PHACTR2: variants seen among roughly 807,000 people sequenced by gnomAD.
The protein encoded by PHACTR2 is chromosome 6 open reading frame 56.
A neutral mutation model predicts 76.0 loss-of-function variants in PHACTR2; 30 were observed. The ratio of observed to expected loss-of-function variants is 0.39; its 90% CI spans 0.30 to 0.54. PHACTR2 has a LOEUF of 0.54. Among genes scored for constraint, PHACTR2 ranks in the 20% least tolerant of loss-of-function variants. The pLI, the probability that PHACTR2 is intolerant of heterozygous loss-of-function variation, is 0.61. For missense variants in PHACTR2, 696 were observed against 781.1 expected, an observed-to-expected ratio of 0.89 and a Z score of 1.30; for synonymous variants, 292 against 292.5, an observed-to-expected ratio of 1.00 and a Z score of 0.02.
intron 1 of PHACTR2, among the ~76,000 whole-genome samples, chr6:143,630,195 C>A (rs543466716): frequency 2.0e-5 from 3 of 148,190 alleles, no homozygotes; most frequent in South Asian, 2.2e-4. Context: ...GAATGAAGAT[C>A]AAAAAATTAA....
rs1293249617 is a variant in PHACTR2, at chr6:143,750,923, C to T, written c.295+1858C>T. On this transcript the variant is annotated intron_variant, in intron 3 of 12. Transcript: ENST00000440869. The surrounding 1 kb of genome is among the most constrained non-coding windows in gnomAD (Gnocchi z 4.6). ...CTTTTCCATGGTCCCTATCTAGAAC[C>T]GTAGAAATTATCTAATGGTTGAAGG... Among the ~76,000 whole-genome samples, 2 of 152,080 alleles carry T rather than the reference C, an allele frequency of 1.3e-5. No individual in the cohort carries two copies. Among genetic ancestry groups the T allele is most frequent in the South Asian group, 2.1e-4 (1 of 4,824 alleles).
intron 1 of PHACTR2, among the ~76,000 whole-genome samples, chr6:143,666,830 C>G (rs1385121584): frequency 6.6e-6 from 1 of 152,184 alleles, no homozygotes; most frequent in East Asian, 1.9e-4. Flanking sequence ...TGTAGGTTGC[C>G]TGTTCACTCT....
At chr6:143,685,279 A>G (rs1241403677) in intron 1 of PHACTR2, among the ~76,000 whole-genome samples, 3 of 152,040 alleles carry the variant, frequency 2.0e-5, no homozygotes, top group Non-Finnish European at 4.4e-5. Flanking sequence ...GCCAAAAAAA[A>G]TTAACATCAG....
chr6:143,574,841 A>AT (rs1197416339), intron 1 of PHACTR2, among the ~76,000 whole-genome samples: 1 of 152,006 alleles, frequency 6.6e-6, no homozygotes, highest in Non-Finnish European at 1.5e-5. Context: ...CTCTCCCCCA[A>AT]TTTTTTAAAA....
intron 1 of PHACTR2, among the ~76,000 whole-genome samples, chr6:143,650,474 A>G (rs529688471): frequency 6.6e-6 from 1 of 152,290 alleles, no homozygotes; most frequent in Non-Finnish European, 1.5e-5. Context: ...GTACTGGTGC[A>G]AGAACAGACA....
rs1775927609 is a variant in PHACTR2 at position 143,800,402 on chromosome 6, CA to C, written c.1846-6654del. Among the ~76,000 whole-genome samples the C allele has an allele frequency of 6.6e-6, 1 of 152,158 alleles. No homozygotes were observed. Among genetic ancestry groups the C allele is most frequent in the Non-Finnish European group, 1.5e-5 (1 of 68,034 alleles). Reference sequence around the variant, plus strand: ...TCAGCCTCCTGAGTAGCTGGGACTACAGGTGCCCGCCACCATGCCCAGTTAA... The same window carrying C: ...TCAGCCTCCTGAGTAGCTGGGACTACGGTGCCCGCCACCATGCCCAGTTAA... On this transcript the variant is annotated intron_variant, in intron 11 of 12. Transcript: ENST00000440869. The surrounding 1 kb of genome is among the most constrained non-coding windows in gnomAD (Gnocchi z 4.8).
Position 143,774,188 on chromosome 6 carries a change from G to A in PHACTR2, c.1562G>A (p.Arg521Gln). The change falls in exon 8 of 13, where the codon CGA becomes CAA. Residue 521 changes from arginine to glutamine, a missense_variant. By Grantham distance (43) the Arg-to-Gln change is conservative. This residue lies in a region of PHACTR2 where 236 missense variants were observed against 330.2 expected (regional missense o/e 0.71). Coordinates refer to ENST00000440869, the MANE Select transcript of PHACTR2 (RefSeq NM_001100164.2). The surrounding 1 kb of genome is among the most constrained non-coding windows in gnomAD (Gnocchi z 5.4). ...TCTGAAGAAGAGAGGCAGGAAATCC[G>A]ACAACAAATTGGAACCAAGTTAGTC... The part of the protein sequence containing the change: ...RTSEEERQEI[R>Q]QQIGTKLVRR... 1 of 1,613,982 alleles carries A rather than the reference G, an allele frequency of 6.2e-7. No homozygotes were observed. The highest frequency in any genetic ancestry group is 8.5e-7 in the Non-Finnish European group (1 of 1,179,920).
chr6:143,740,508 T>TTAAAAAAA (rs112665368), intron 2 of PHACTR2, among the ~76,000 whole-genome samples: 9 of 128,692 alleles, frequency 7.0e-5, no homozygotes, highest in Non-Finnish European at 1.1e-4. Flanking sequence ...TCCTTTTAAT[T>TTAAAAAAA]AAAAAAAAAA....
At position 143,823,834 on chromosome 6, in the gene PHACTR2, G is replaced by A; in HGVS notation, c.*145G>A. ...GGAAGTGTGTGACTCAGCTTGGCTG[G>A]GAAGTGCTCCTCACCTGTGTGGCCC... On this transcript the variant is annotated 3_prime_UTR_variant, in exon 13 of 13. Transcript: ENST00000440869. The surrounding 1 kb of genome is among the most constrained non-coding windows in gnomAD (Gnocchi z 5.7). 1.4e-6 allele frequency: 1 copy of A among 721,802 alleles called. No homozygotes were observed. Among genetic ancestry groups the A allele is most frequent in the Non-Finnish European group, 2.5e-6 (1 of 404,862 alleles). 44.7% of individuals were successfully genotyped at this position (721,802 alleles called of 1,614,324 possible). A position where few individuals can be genotyped will look rare whatever the true frequency, so the allele number is the denominator to read the frequency against.
intron 1 of PHACTR2, among the ~76,000 whole-genome samples, chr6:143,545,727 T>C (rs914218682): frequency 5.3e-5 from 8 of 152,182 alleles, no homozygotes; most frequent in African/African-American, 1.7e-4. Flanking sequence ...TCACCCCTCA[T>C]AGAAACAACT....
rs1777752945 is a variant in PHACTR2 at position 143,695,532 on chromosome 6, G to A, written c.47-16484G>A. Among the ~76,000 whole-genome samples, 1 of 152,214 alleles carries A rather than the reference G, an allele frequency of 6.6e-6. No homozygotes were observed. The highest frequency in any genetic ancestry group is 6.5e-5 in the Admixed American group (1 of 15,280). ...AATTAATTGCTTGTGGTTTTGCAGT[G>A]CCAGTCCAGGTTTATTTTCATTGCT... On this transcript the variant is annotated intron_variant, in intron 1 of 12. Transcript: ENST00000440869. This position sits in a 1 kb window ranked among gnomAD's most constrained non-coding sequence, Gnocchi z 4.4.
rs1438652148 is a variant in PHACTR2, at chr6:143,648,447, C to T, written c.13+40125C>T. Among the ~76,000 whole-genome samples the T allele has an allele frequency of 6.6e-6, 1 of 152,054 alleles. No individual in the cohort carries two copies. Among genetic ancestry groups the T allele is most frequent in the Non-Finnish European group, 1.5e-5 (1 of 68,014 alleles). On this transcript the variant is annotated intron_variant, in intron 1 of 11. Coordinates refer to the PHACTR2 transcript ENST00000305766. This position sits in a 1 kb window ranked among gnomAD's most constrained non-coding sequence, Gnocchi z 6.7. ...ATCTGACTGTCTCTGCACTGGGAGT[C>T]CCTGGGAGGGGGGGACGAGGAGGAA...
chr6:143,538,415 G>A (rs1231688712), intron 1 of PHACTR2, among the ~76,000 whole-genome samples: 1 of 152,204 alleles, frequency 6.6e-6, no homozygotes, highest in Non-Finnish European at 1.5e-5. Flanking sequence ...TTTTTTAAAA[G>A]TCCACCAGAT....
chr6:143,646,662 G>A lies in PHACTR2; in HGVS notation c.13+38340G>A, dbSNP rs1776664101. 6.6e-6 allele frequency among the ~76,000 whole-genome samples: 1 copy of A among 152,136 alleles called. No individual in the cohort carries two copies. Among genetic ancestry groups the A allele is most frequent in the Non-Finnish European group, 1.5e-5 (1 of 68,018 alleles). ...TTTTCTTGAAATGTCAAGAAGGGCA[G>A]GTGTACTCTGACCTCAGCTTTAAGT... On this transcript the variant is annotated intron_variant, in intron 1 of 11. Coordinates refer to the PHACTR2 transcript ENST00000305766. The surrounding 1 kb of genome is among the most constrained non-coding windows in gnomAD (Gnocchi z 4.1).
At chr6:143,728,484 G>T (rs73579886) in intron 2 of PHACTR2, among the ~76,000 whole-genome samples, 1 of 151,632 alleles carries the variant, frequency 6.6e-6, no homozygotes, top group African/African-American at 2.4e-5. Context: ...TTTCACAGAC[G>T]TAGAAAAATT....
chr6:143,788,156 G>T (rs1290010596), intron 10 of PHACTR2, among the ~76,000 whole-genome samples: 1 of 152,206 alleles, frequency 6.6e-6, no homozygotes, highest in African/African-American at 2.4e-5. Context: ...ATGGCCTCAA[G>T]GAAGTACAGT....
chr6:143,732,241 A>G (rs1261200460), intron 2 of PHACTR2, among the ~76,000 whole-genome samples: 1 of 152,242 alleles, frequency 6.6e-6, no homozygotes, highest in Non-Finnish European at 1.5e-5. Context: ...AATCAATTTT[A>G]AACATTTCCA....
At chr6:143,615,412 C>A (rs1776044137) in intron 1 of PHACTR2, among the ~76,000 whole-genome samples, 2 of 152,084 alleles carry the variant, frequency 1.3e-5, no homozygotes, top group Admixed American at 1.3e-4. Flanking sequence ...TAAGTTGGAG[C>A]AATTTTTTTA....
At position 143,818,939 on chromosome 6, in the gene PHACTR2, T is replaced by C. The variant is rs1776358654; in HGVS notation, c.1923-4735T>C. Among the ~76,000 whole-genome samples the C allele has an allele frequency of 6.6e-6, 1 of 152,258 alleles. No homozygotes were observed. Among genetic ancestry groups the C allele is most frequent in the African/African-American group, 2.4e-5 (1 of 41,470 alleles). On this transcript the variant is annotated intron_variant, in intron 12 of 12. Transcript: ENST00000440869. This position sits in a 1 kb window ranked among gnomAD's most constrained non-coding sequence, Gnocchi z 4.9. ...TTTCAGTTACTCTTTGAAATATTTT[T>C]ATAGAACTTCCATATTTTGCTTCAG...
Sources: gnomAD v4.1 joint callset for allele counts (sites outside exome capture counted in the v4.1 genomes callset) on GRCh38, gnomAD v4.1.1 for gene constraint, gnomAD v4.1.1 regional missense constraint, Gnocchi (gnomAD v3.1) non-coding constraint, MANE v1.5 for transcripts, NCBI Gene and HGNC (gene_info 2026-07-23, HGNC 2026-07-21) for gene names.